Variants in ITGA9 observed in about 807,000 individuals in gnomAD.
ITGA9 encodes integrin alpha-9.
A neutral mutation model predicts 127.8 loss-of-function variants in ITGA9; 56 were observed. The observed-to-expected ratio is 0.44, with a 90% confidence interval of 0.35 to 0.55. ITGA9 has a LOEUF of 0.55. Ranked by LOEUF, ITGA9 falls within the 20% of genes least tolerant of loss-of-function variation. The pLI, the probability that ITGA9 is intolerant of heterozygous loss-of-function variation, is 0.00. For synonymous variants in ITGA9, 508 were observed against 514.5 expected, an observed-to-expected ratio of 0.99 and a Z score of 0.17; for missense variants, 1,196 against 1,347.1, an observed-to-expected ratio of 0.89 and a Z score of 1.76.
chr3:37,489,559 T>G (rs780468237), intron 4 of ITGA9, among the ~76,000 whole-genome samples: 29 of 152,370 alleles, frequency 1.9e-4, no homozygotes, highest in Admixed American at 3.9e-4. Flanking sequence ...CATCAGTTAT[T>G]TTCATAAAAT....
chr3:37,754,468 C>T (rs1696626495), intron 23 of ITGA9, among the ~76,000 whole-genome samples: 1 of 152,122 alleles, frequency 6.6e-6, no homozygotes, highest in Non-Finnish European at 1.5e-5. Flanking sequence ...AGTGTTAGTC[C>T]AGAAGAGATA....
intron 5 of ITGA9, among the ~76,000 whole-genome samples, chr3:37,495,108 C>T (rs996016997): frequency 2.0e-5 from 3 of 152,060 alleles, no homozygotes; most frequent in African/African-American, 2.4e-5. Context: ...CGGTTATAGG[C>T]GCCCACCGCC....
Position 37,533,410 on chromosome 3 carries a change from C to A in ITGA9, c.1470C>A (p.Asn490Lys). 6.2e-7 allele frequency: 1 copy of A among 1,614,210 alleles called. No homozygotes were observed. The change falls in exon 14 of 28, where the codon AAC becomes AAA. Residue 490 changes from asparagine (N) to lysine (K), a missense_variant. By Grantham distance (94) the Asn-to-Lys change is moderately conservative (BLOSUM62 0). Coordinates refer to ENST00000264741, the MANE Select transcript of ITGA9 (RefSeq NM_002207.3). The stretch of plus-strand genomic sequence containing the variant: ...GTCACGACGGACAGCAGCCTGTGAA[C>A]TGCCTGAACGTCACCACCTGCTTCA... Reference protein sequence around the residue: ...PQCHDGQQPVNCLNVTTCFSF... With the variant: ...PQCHDGQQPVKCLNVTTCFSF...
chr3:37,785,384 C>A (rs746174204), intron 26 of ITGA9, among the ~76,000 whole-genome samples: 5 of 152,190 alleles, frequency 3.3e-5, no homozygotes, highest in Non-Finnish European at 5.9e-5. Flanking sequence ...CACTGTGGAG[C>A]CAGGACTATT....
intron 7 of ITGA9, among the ~76,000 whole-genome samples, chr3:37,508,131 C>T (rs1426789867): frequency 1.3e-5 from 2 of 152,226 alleles, no homozygotes; most frequent in African/African-American, 4.8e-5. Context: ...CTCATCTCCA[C>T]CTATCCCTTT....
At chr3:37,595,568 G>A (rs555943407) in intron 15 of ITGA9, among the ~76,000 whole-genome samples, 2 of 152,174 alleles carry the variant, frequency 1.3e-5, no homozygotes, top group Non-Finnish European at 2.9e-5. Context: ...GTAATTAGAG[G>A]TGGCACTGGG....
chr3:37,718,831 A>G (rs1250343698), intron 18 of ITGA9, among the ~76,000 whole-genome samples: 1 of 152,160 alleles, frequency 6.6e-6, no homozygotes, highest in African/African-American at 2.4e-5. Flanking sequence ...CTTTTTTACA[A>G]AGCTTTTCAT....
chr3:37,802,643 C>A (rs918521169), intron 26 of ITGA9, among the ~76,000 whole-genome samples: 6 of 152,074 alleles, frequency 3.9e-5, no homozygotes, highest in Non-Finnish European at 8.8e-5. Context: ...TTGAATTCTG[C>A]AAAACCAAAC....
intron 15 of ITGA9, among the ~76,000 whole-genome samples, chr3:37,563,309 A>T (rs1248571760): frequency 4.6e-5 from 7 of 152,172 alleles, no homozygotes; most frequent in Admixed American, 4.6e-4. Flanking sequence ...GTCACATGAG[A>T]TTGCCTATCT....
chr3:37,683,760 A>G, intron 17 of ITGA9, 105 bp from the exon 18 acceptor site: 1 of 1,140,522 alleles, frequency 8.8e-7, no homozygotes, highest in Non-Finnish European at 1.3e-6. Context: ...TGGAACTTGT[A>G]GTTCTGATCT....
chr3:37,713,468 G>A (rs539052699), intron 18 of ITGA9, among the ~76,000 whole-genome samples: 1 of 152,258 alleles, frequency 6.6e-6, no homozygotes, highest in Non-Finnish European at 1.5e-5. Flanking sequence ...GCAGACTGGG[G>A]CCATGGATTG....
At chr3:37,709,697 G>A (rs55744854) in intron 18 of ITGA9, among the ~76,000 whole-genome samples, 2,726 of 152,346 alleles carry the variant, frequency 0.018, 42 homozygotes, top group African/African-American at 0.039. Flanking sequence ...AGAAGAAGGC[G>A]TCAGACCTCC....
At chr3:37,741,590 A>C in intron 20 of ITGA9, 140 bp from the exon 21 acceptor site, 1 of 717,172 alleles carries the variant, frequency 1.4e-6, no homozygotes, top group Non-Finnish European at 2.6e-6. Flanking sequence ...ATGTACAGGG[A>C]CCAAAAACAG....
chr3:37,511,964 C>CTTTTCT (rs146451515), intron 8 of ITGA9, among the ~76,000 whole-genome samples: 1 of 88,212 alleles, frequency 1.1e-5, no homozygotes, highest in East Asian at 3.2e-4. Flanking sequence ...TGCTTTTTCT[C>CTTTTCT]TTTCTTTTCT....
At chr3:37,617,438 G>T (rs970973857) in intron 15 of ITGA9, among the ~76,000 whole-genome samples, 5 of 152,104 alleles carry the variant, frequency 3.3e-5, no homozygotes, top group African/African-American at 9.7e-5. Context: ...ACAATTATGT[G>T]TCTTAGAGTT....
rs532280166 is a variant in ITGA9 at position 37,606,874 on chromosome 3, A to G, written c.1690-22313A>G. Among the ~76,000 whole-genome samples, 11 of 151,648 alleles carry G rather than the reference A, an allele frequency of 7.3e-5. No homozygotes were observed. The South Asian group carries it at 2.3e-3, about 32-fold the overall frequency. On this transcript the variant is annotated intron_variant, in intron 15 of 27. Transcript: ENST00000264741. ...TGTCACTTCCTACTCTTGGTGTTTAATATCATCCCTCTGGCACAGATGCTT... is the reference window on the plus strand; with the variant it reads ...TGTCACTTCCTACTCTTGGTGTTTAGTATCATCCCTCTGGCACAGATGCTT...
chr3:37,754,801 A>G (rs1365792300), intron 23 of ITGA9, among the ~76,000 whole-genome samples: 3 of 152,186 alleles, frequency 2.0e-5, no homozygotes, highest in African/African-American at 4.8e-5. Context: ...AGGCCTACCC[A>G]TGATGTACGA....
At chr3:37,542,257 G>C (rs1699280403) in intron 14 of ITGA9, among the ~76,000 whole-genome samples, 168 bp from the exon 15 acceptor site, 1 of 152,140 alleles carries the variant, frequency 6.6e-6, no homozygotes, top group African/African-American at 2.4e-5. Flanking sequence ...TGAGCACCCT[G>C]GCTGTGTGCT....
chr3:37,742,727 C>G (rs946468112), intron 21 of ITGA9, among the ~76,000 whole-genome samples: 1 of 152,114 alleles, frequency 6.6e-6, no homozygotes, highest in Non-Finnish European at 1.5e-5. Context: ...AAATGTTGAT[C>G]CCTTGCAGGG....
Sources: gnomAD v4.1 joint callset for allele counts (sites outside exome capture counted in the v4.1 genomes callset) on GRCh38, gnomAD v4.1.1 for gene constraint, MANE v1.5 for transcripts, NCBI Gene and HGNC (gene_info 2026-07-23, HGNC 2026-07-21) for gene names.